Variants in SEMA3D observed in about 807,000 individuals in gnomAD.
SEMA3D encodes semaphorin-3D.
Under a neutral mutation model 100.1 loss-of-function variants are expected in SEMA3D, and 84 were observed. The observed-to-expected ratio is 0.84, with a 90% CI of 0.70 to 1.01. The LOEUF (loss-of-function observed/expected upper bound fraction) is 1.01, where lower values mean the gene tolerates loss of function less well. Ranked by LOEUF, SEMA3D falls within the 50% of genes least tolerant of loss-of-function variation. The pLI, the probability that SEMA3D is intolerant of heterozygous loss-of-function variation, is 0.00. For synonymous variants in SEMA3D, 312 were observed against 320.7 expected, an observed-to-expected ratio of 0.97 and a Z score of 0.29; for missense variants, 875 against 934.1, an observed-to-expected ratio of 0.94 and a Z score of 0.82.
chr7:85,231,154 A>T, the SEMA3D span, among the ~76,000 whole-genome samples: 30,376 of 152,098 alleles, frequency 0.2, 7,693 homozygotes, highest in African/African-American at 0.59. Flanking sequence ...CTGTCTTAAA[A>T]GTAGACAGTG....
At chr7:85,076,876 A>G (rs755875050) in intron 5 of SEMA3D, among the ~76,000 whole-genome samples, 2 of 152,112 alleles carry the variant, frequency 1.3e-5, no homozygotes, top group Non-Finnish European at 2.9e-5. Flanking sequence ...TGGGTGGATC[A>G]TGAGGTCAGG....
At chr7:85,200,932 GT>G in the SEMA3D span, among the ~76,000 whole-genome samples, 3 of 152,160 alleles carry the variant, frequency 2.0e-5, no homozygotes, top group Non-Finnish European at 4.4e-5. Flanking sequence ...CTAATACACA[GT>G]TGTATATGGA....
At chr7:85,165,967 T>C (rs971764803) in intron 1 of SEMA3D, among the ~76,000 whole-genome samples, 4 of 152,042 alleles carry the variant, frequency 2.6e-5, no homozygotes, top group Non-Finnish European at 5.9e-5. Flanking sequence ...CATATATTAT[T>C]CCTAACAAAA....
intron 12 of SEMA3D, among the ~76,000 whole-genome samples, chr7:85,027,582 C>A (rs73394646): frequency 6.6e-6 from 1 of 151,616 alleles, no homozygotes; most frequent in South Asian, 2.1e-4. Flanking sequence ...TTTTGTTAAC[C>A]AAGATTTATA....
chr7:85,132,987 C>T (rs1021143117), intron 2 of SEMA3D, among the ~76,000 whole-genome samples: 3 of 151,870 alleles, frequency 2.0e-5, no homozygotes, highest in South Asian at 4.1e-4. Context: ...CCAGTGCATA[C>T]GCAATATGTA....
At chr7:85,084,101 C>A (rs1481135244) in intron 4 of SEMA3D, among the ~76,000 whole-genome samples, 2 of 151,502 alleles carry the variant, frequency 1.3e-5, no homozygotes, top group Non-Finnish European at 2.9e-5. Context: ...GAGAGGAGAT[C>A]GCGCCACTGC....
At chr7:85,193,440 T>C in the SEMA3D span, among the ~76,000 whole-genome samples, 7 of 152,096 alleles carry the variant, frequency 4.6e-5, no homozygotes, top group African/African-American at 1.4e-4. Flanking sequence ...AATAATCATT[T>C]AAAAATACTG....
intron 2 of SEMA3D, chr7:85,143,172 A>C (rs1455211912): frequency 5.1e-6 from 5 of 980,304 alleles, no homozygotes; most frequent in Non-Finnish European, 6.1e-6. Context: ...TGGTACCTGC[A>C]TATAAAATCA....
At chr7:85,123,188 TAA>T (rs1789476325) in intron 2 of SEMA3D, among the ~76,000 whole-genome samples, 1 of 152,120 alleles carries the variant, frequency 6.6e-6, no homozygotes, top group Non-Finnish European at 1.5e-5. Context: ...TCTTCACACC[TAA>T]GTCTTCCAGT....
chr7:85,065,563 G>T lies in SEMA3D; in HGVS notation c.590-11C>A. ...AGTAGAGGTACTCATCTGAGAGGGA[G>T]AAAAAAGTACACAGAACTTTTAAGA... On this transcript the variant is annotated splice_polypyrimidine_tract_variant and intron_variant, in intron 7 of 18. Transcript: ENST00000284136. The T allele has an allele frequency of 3.7e-6, 6 of 1,610,276 alleles. No individual in the cohort carries two copies. Among genetic ancestry groups the T allele is most frequent in the Non-Finnish European group, 5.1e-6 (6 of 1,177,286 alleles).
intron 2 of SEMA3D, among the ~76,000 whole-genome samples, chr7:85,147,082 T>TTTTTCTTTTTC (rs1790230427): frequency 8.0e-6 from 1 of 125,610 alleles, no homozygotes; most frequent in Non-Finnish European, 1.7e-5. Flanking sequence ...CTTTCTTTTC[T>TTTTTCTTTTTC]TTTTCTTTTC....
the SEMA3D span, among the ~76,000 whole-genome samples, chr7:85,245,862 T>C: frequency 6.6e-6 from 1 of 152,140 alleles, no homozygotes; most frequent in Non-Finnish European, 1.5e-5. Context: ...TTTCTAGACT[T>C]ATTATCTTGC....
chr7:84,999,657 A>T lies in SEMA3D; in HGVS notation c.2117T>A (p.Leu706Ter). 6.2e-7 allele frequency: 1 copy of T among 1,614,056 alleles called. No homozygotes were observed. The highest frequency in any genetic ancestry group is 8.5e-7 in the Non-Finnish European group (1 of 1,179,992). Residue 706 changes from leucine (L) to a stop codon, truncating the protein, a stop_gained, in exon 19 of 19, where the codon TTG becomes TAG. Coordinates refer to ENST00000284136, the MANE Select transcript of SEMA3D (RefSeq NM_001384900.1). LOFTEE classifies it high-confidence loss of function. The part of the protein sequence containing the change: ...EHEEGKVKDL[L>*]AESRLRYKDY... Reference sequence around the variant, plus strand: ...TTTGTATCTCAACCGTGACTCAGCCAATAGATCCTTGACCTTCCCCTCCTC... The same window carrying T: ...TTTGTATCTCAACCGTGACTCAGCCTATAGATCCTTGACCTTCCCCTCCTC...
intron 12 of SEMA3D, 142 bp from the exon 13 acceptor site, chr7:85,022,755 TG>T: frequency 1.6e-6 from 1 of 614,008 alleles, no homozygotes; most frequent in Non-Finnish European, 2.9e-6. Flanking sequence ...CATGTGTACT[TG>T]TAAATAAATG....
chr7:85,248,542 G>T, the SEMA3D span, among the ~76,000 whole-genome samples: 19 of 152,228 alleles, frequency 1.2e-4, no homozygotes, highest in Middle Eastern at 3.4e-3. Flanking sequence ...ATAACAATTT[G>T]ATTCATAATT....
At chr7:85,180,442 A>G (rs879728021) in intron 1 of SEMA3D, among the ~76,000 whole-genome samples, 1 of 152,238 alleles carries the variant, frequency 6.6e-6, no homozygotes, top group Non-Finnish European at 1.5e-5. Flanking sequence ...AGCAGTGTGA[A>G]AATGACTAAT....
At chr7:85,218,390 T>C in the SEMA3D span, among the ~76,000 whole-genome samples, 1 of 152,148 alleles carries the variant, frequency 6.6e-6, no homozygotes, top group South Asian at 2.1e-4. Flanking sequence ...TATTTTGATG[T>C]ACTGCCTTTT....
intron 12 of SEMA3D, among the ~76,000 whole-genome samples, chr7:85,032,742 G>T (rs1790580871): frequency 6.6e-6 from 1 of 151,968 alleles, no homozygotes. Context: ...CAACCAAAAA[G>T]AAAATCCTCC....
intron 11 of SEMA3D, among the ~76,000 whole-genome samples, chr7:85,038,680 G>A (rs771821150): frequency 6.6e-6 from 1 of 152,150 alleles, no homozygotes; most frequent in Non-Finnish European, 1.5e-5. Flanking sequence ...TTCAAAGAAA[G>A]TTCTGCAATT....
Sources: allele counts gnomAD v4.1 joint callset (sites outside exome capture counted in the v4.1 genomes callset), GRCh38; gene constraint gnomAD v4.1.1; transcripts MANE v1.5; gene names NCBI Gene and HGNC (gene_info 2026-07-23, HGNC 2026-07-21).